MAST4: variants seen among roughly 807,000 people sequenced by gnomAD.
MAST4 encodes the protein microtubule associated serine/threonine kinase family member 4, also known as microtubule-associated serine/threonine-protein kinase 4.
Under a neutral mutation model 162.7 loss-of-function variants are expected in MAST4, and 89 were observed. That is an observed-to-expected ratio of 0.55 (90% CI 0.46 to 0.65). MAST4 has a LOEUF of 0.65. Among genes scored for constraint, MAST4 ranks in the 30% least tolerant of loss-of-function variants. MAST4 has a pLI of 0.00. For synonymous variants in MAST4, 1,479 were observed against 1,361.1 expected, an observed-to-expected ratio of 1.09 and a Z score of -1.91; for missense variants, 3,153 against 3,374.0, an observed-to-expected ratio of 0.93 and a Z score of 1.62.
chr5:66,870,928 T>C (rs1481241901), intron 3 of MAST4: 2 of 459,280 alleles, frequency 4.4e-6, no homozygotes, highest in Admixed American at 4.8e-5. Context: ...GGGTGTGGGG[T>C]TTTATTTATG....
chr5:67,012,118 T>G (rs1185435104), intron 4 of MAST4, among the ~76,000 whole-genome samples: 1 of 152,296 alleles, frequency 6.6e-6, no homozygotes, highest in Admixed American at 6.5e-5. Context: ...ATGGTTTTGC[T>G]TGCTTCTCTT....
intron 3 of MAST4, among the ~76,000 whole-genome samples, chr5:66,810,219 G>GTGTGT (rs1164837255): frequency 1.3e-5 from 2 of 152,164 alleles, no homozygotes; most frequent in Non-Finnish European, 2.9e-5. Flanking sequence ...ATGCCTTAGA[G>GTGTGT]TGTGTTGTGT....
intron 1 of MAST4, among the ~76,000 whole-genome samples, chr5:66,615,502 A>G (rs1006742300): frequency 1.3e-5 from 2 of 152,170 alleles, no homozygotes; most frequent in African/African-American, 2.4e-5. Context: ...AGGCCTTGGA[A>G]TCAGAATGAG....
At position 67,164,168 on chromosome 5, in the gene MAST4, C is replaced by T; in HGVS notation, c.4989C>T (p.Gly1663=). 6.2e-7 allele frequency: 1 copy of T among 1,610,310 alleles called. No individual in the cohort carries two copies. Among genetic ancestry groups the T allele is most frequent in the South Asian group, 1.1e-5 (1 of 90,216 alleles). ...GGGGCATCTCTGGGAAGGGGGAAGG[C>T]ACGGAGAAGTCCTCCCAGGCCAAGG... is the stretch of plus-strand genomic sequence containing the variant. ...LDRGISGKGE[G]TEKSSQAKEL... The change falls in exon 29 of 29, where the codon GGC becomes GGT. Residue 1663 remains glycine, a synonymous_variant. Transcript: ENST00000403625. The surrounding 1 kb of genome is among the most constrained non-coding windows in gnomAD (Gnocchi z 5.3).
At chr5:66,925,672 AGGCTCCCT>A (rs1764841831) in intron 4 of MAST4, among the ~76,000 whole-genome samples, 1 of 152,090 alleles carries the variant, frequency 6.6e-6, no homozygotes, top group Non-Finnish European at 1.5e-5. Context: ...GCTGGAGTGG[AGGCTCCCT>A]AGGGGTAAGA....
intron 1 of MAST4, among the ~76,000 whole-genome samples, chr5:66,726,780 C>A (rs577160660): frequency 1.3e-5 from 2 of 152,122 alleles, no homozygotes; most frequent in South Asian, 2.1e-4. Flanking sequence ...GGAGTGTGAA[C>A]CCTATTATGA....
At chr5:66,617,314 G>A (rs182990574) in intron 1 of MAST4, among the ~76,000 whole-genome samples, 155 of 152,244 alleles carry the variant, frequency 1.0e-3, no homozygotes, top group African/African-American at 3.7e-3. Context: ...TGTGCATTAT[G>A]GCATTTAATT....
chr5:66,862,202 G>A (rs1023764353), intron 3 of MAST4, among the ~76,000 whole-genome samples: 2 of 152,132 alleles, frequency 1.3e-5, no homozygotes, highest in African/African-American at 2.4e-5. Context: ...ACAACTTAGA[G>A]CTATGTTGAA....
At chr5:67,085,514 A>G (rs1041131881) in intron 5 of MAST4, among the ~76,000 whole-genome samples, 1 of 152,220 alleles carries the variant, frequency 6.6e-6, no homozygotes, top group Non-Finnish European at 1.5e-5. Context: ...TGCTATAGCT[A>G]TGGAAGGGTC....
At chr5:66,676,365 T>C (rs1157324436) in intron 1 of MAST4, among the ~76,000 whole-genome samples, 3 of 152,226 alleles carry the variant, frequency 2.0e-5, no homozygotes, top group Non-Finnish European at 2.9e-5. Context: ...TGGGGCCAAC[T>C]AGGCTCTTGG....
At chr5:67,020,592 A>G (rs1208999139) in intron 4 of MAST4, among the ~76,000 whole-genome samples, 1 of 152,210 alleles carries the variant, frequency 6.6e-6, no homozygotes, top group Non-Finnish European at 1.5e-5. Flanking sequence ...CTTCTATTCA[A>G]GTTGACGCCT....
intron 3 of MAST4, among the ~76,000 whole-genome samples, chr5:66,852,180 C>G (rs1463562970): frequency 2.0e-5 from 3 of 152,144 alleles, no homozygotes; most frequent in African/African-American, 7.2e-5. Context: ...TGAGGTCTCA[C>G]TCTGTCACCC....
intron 1 of MAST4, among the ~76,000 whole-genome samples, chr5:66,751,619 A>G (rs1257550439): frequency 6.6e-6 from 1 of 151,178 alleles, no homozygotes; most frequent in African/African-American, 2.4e-5. Flanking sequence ...AAATGAGCAA[A>G]GCCTCCAAGA....
At chr5:66,921,219 T>C (rs1764512301) in intron 4 of MAST4, among the ~76,000 whole-genome samples, 1 of 152,154 alleles carries the variant, frequency 6.6e-6, no homozygotes. Context: ...CCCCTAAGTC[T>C]GACATAAGGG....
At chr5:66,952,505 T>C (rs939588018) in intron 4 of MAST4, among the ~76,000 whole-genome samples, 3 of 151,934 alleles carry the variant, frequency 2.0e-5, no homozygotes, top group Non-Finnish European at 4.4e-5. Flanking sequence ...CCTCATCATA[T>C]AGAACATAAA....
At chr5:67,054,567 G>C (rs1481959050) in intron 5 of MAST4, 75 bp downstream of exon 5, 1 of 1,298,946 alleles carries the variant, frequency 7.7e-7, no homozygotes, top group African/African-American at 1.5e-5. Flanking sequence ...AATGCATTTT[G>C]ATATTTGGTA....
chr5:66,977,013 G>A (rs552191545), intron 4 of MAST4, among the ~76,000 whole-genome samples: 3 of 152,132 alleles, frequency 2.0e-5, no homozygotes, highest in Non-Finnish European at 4.4e-5. Flanking sequence ...TAAACCAAGC[G>A]ACAGATCTCT....
chr5:66,802,397 G>A (rs1389815402), intron 3 of MAST4, among the ~76,000 whole-genome samples: 1 of 152,070 alleles, frequency 6.6e-6, no homozygotes, highest in African/African-American at 2.4e-5. Flanking sequence ...CCCAACCAGA[G>A]AATTATGGCT....
chr5:67,052,324 T>A (rs1037236704), intron 4 of MAST4, among the ~76,000 whole-genome samples: 1 of 152,154 alleles, frequency 6.6e-6, no homozygotes, highest in Non-Finnish European at 1.5e-5. Context: ...AAGTATATTT[T>A]ATTTGGGGGT....
Sources: allele counts gnomAD v4.1 joint callset (sites outside exome capture counted in the v4.1 genomes callset), GRCh38; gene constraint gnomAD v4.1.1; non-coding constraint Gnocchi (gnomAD v3.1); transcripts MANE v1.5; gene names NCBI Gene and HGNC (gene_info 2026-07-23, HGNC 2026-07-21).